The following HMGA2 variants were observed in gnomAD, a reference collection of about 807,000 sequenced individuals.
The protein encoded by HMGA2 is high mobility group protein HMGI-C.
HMGA2 carries 8 observed loss-of-function variants against 19.1 expected under a neutral mutation model. That is an observed-to-expected ratio of 0.42 (90% CI 0.25 to 0.76). HMGA2 has a LOEUF of 0.76. HMGA2 is among the 30% of genes least tolerant of loss of function. The pLI, the probability that HMGA2 is intolerant of heterozygous loss-of-function variation, is 0.28. For synonymous variants in HMGA2, 60 were observed against 48.8 expected (o/e 1.23, Z -0.96); for missense variants, 109 against 136.3 (o/e 0.80, Z 1.00).
At chr12:65,911,762 C>T (rs879874697) in intron 3 of HMGA2, among the ~76,000 whole-genome samples, 3 of 152,078 alleles carry the variant, frequency 2.0e-5, no homozygotes, top group South Asian at 4.2e-4. Flanking sequence ...TCTCTAAGTG[C>T]CCCTTATGCA....
rs74097807 is a variant in HMGA2 at position 65,841,663 on chromosome 12, C to T, written c.249+3094C>T. On this transcript the variant is annotated intron_variant, in intron 3 of 4. Transcript: ENST00000403681. ...TTGAGTTAGAGATATATTTTTGAACCGACTGGATTCATTAGGTATATGGGT... is the reference window on the plus strand; with the variant it reads ...TTGAGTTAGAGATATATTTTTGAACTGACTGGATTCATTAGGTATATGGGT... Among the ~76,000 whole-genome samples the T allele has an allele frequency of 7.7e-3, 1,179 of 152,258 alleles. 15 individuals carry two copies. The highest frequency in any genetic ancestry group is 0.027 in the African/African-American group (1,123 of 41,560).
intron 3 of HMGA2, among the ~76,000 whole-genome samples, chr12:65,905,591 T>C (rs1263209199): frequency 1.3e-5 from 2 of 152,180 alleles, no homozygotes; most frequent in Admixed American, 6.5e-5. Context: ...ATGTCATCAC[T>C]CAACTCCACT....
intron 3 of HMGA2, among the ~76,000 whole-genome samples, chr12:65,908,087 T>G (rs1403160477): frequency 2.6e-5 from 4 of 152,196 alleles, no homozygotes; most frequent in African/African-American, 4.8e-5. Flanking sequence ...GAAGGCCAAA[T>G]TAGACAATCA....
At position 65,952,527 on chromosome 12, in the gene HMGA2, A is replaced by G. The variant is rs1009948319; in HGVS notation, c.282+1112A>G. On this transcript the variant is annotated intron_variant, in intron 4 of 4. Transcript: ENST00000403681. ...TAAGTGGAATAAAAACAGAGTTACC[A>G]TGAAAAAAATCATTTTCATTGCTGC... The G allele has an allele frequency of 2.4e-4, 340 of 1,432,826 alleles. 1 individual carries two copies. The highest frequency in any genetic ancestry group is 2.9e-4 in the Non-Finnish European group (320 of 1,092,406). The allele number at this position is 1,432,826 out of a possible 1,614,324, so 88.8% of individuals were successfully genotyped here.
chr12:65,960,207 TTA>T (rs1565743378), intron 4 of HMGA2, among the ~76,000 whole-genome samples: 1 of 152,170 alleles, frequency 6.6e-6, no homozygotes, highest in Non-Finnish European at 1.5e-5. Flanking sequence ...GTCTTTTAAG[TTA>T]TTAAAGATGA....
chr12:65,883,281 C>T lies in HMGA2; in HGVS notation c.249+44712C>T, dbSNP rs374412877. Among the ~76,000 whole-genome samples, 54 of 152,298 alleles carry T rather than the reference C, an allele frequency of 3.5e-4. 1 individual carries two copies. In the South Asian group the frequency reaches 1.0e-2, roughly 28 times the overall value. On this transcript the variant is annotated intron_variant, in intron 3 of 4. Coordinates refer to ENST00000403681, the MANE Select transcript of HMGA2 (RefSeq NM_003483.6). ...AGATAGATGCAAAGGATAAGGAACT[C>T]GGTTTATAGCAACAGATACTCCAAA...
At chr12:65,849,909 G>A (rs1404694222) in intron 3 of HMGA2, among the ~76,000 whole-genome samples, 1 of 152,076 alleles carries the variant, frequency 6.6e-6, no homozygotes, top group South Asian at 2.1e-4. Context: ...AGTAGAGACA[G>A]GGTTTCACCA....
At chr12:65,826,962 C>G (rs116613519) in intron 1 of HMGA2, 4 of 152,170 alleles carry the variant, frequency 2.6e-5, no homozygotes, top group Admixed American at 6.5e-5. Context: ...CCCGAATTCT[C>G]TAAATGGGAT....
chr12:65,825,477 G>A lies in HMGA2; in HGVS notation c.111+96G>A, dbSNP rs868208626. 2.4e-4 allele frequency: 200 copies of A among 818,310 alleles called. 1 individual carries two copies. In the Middle Eastern group the frequency reaches 4.5e-3, roughly 19 times the overall value. 50.7% of individuals were successfully genotyped at this position (818,310 alleles called of 1,614,324 possible). Reference sequence around the variant, plus strand: ...GCGGCCGGAGTGCGGGAGCCCAGTCGCCGCGGCCGTCGCACACTGCCCGCC... The same window carrying A: ...GCGGCCGGAGTGCGGGAGCCCAGTCACCGCGGCCGTCGCACACTGCCCGCC... On this transcript the variant is annotated intron_variant, in intron 1 of 4. Transcript: ENST00000403681. The surrounding 1 kb of genome is among the most constrained non-coding windows in gnomAD (Gnocchi z 4.4).
At chr12:65,953,841 A>T (rs1840075835) in intron 4 of HMGA2, 1 of 152,228 alleles carries the variant, frequency 6.6e-6, no homozygotes. Flanking sequence ...TTTACACTAC[A>T]TTCAAAAGAA....
chr12:65,863,758 A>G (rs1872235765), intron 3 of HMGA2, among the ~76,000 whole-genome samples: 2 of 152,184 alleles, frequency 1.3e-5, no homozygotes, highest in Non-Finnish European at 2.9e-5. Flanking sequence ...TCTTTAGACT[A>G]CAGAAGTCGC....
chr12:65,957,092 T>C (rs1876626657), intron 4 of HMGA2: 1 of 152,200 alleles, frequency 6.6e-6, no homozygotes, highest in Non-Finnish European at 1.5e-5. Flanking sequence ...TCAAAAGTCA[T>C]AACTCAGGAT....
chr12:65,838,861 G>A (rs1453789999), intron 3 of HMGA2, among the ~76,000 whole-genome samples: 2 of 152,100 alleles, frequency 1.3e-5, no homozygotes, highest in Non-Finnish European at 2.9e-5. Flanking sequence ...GATTTGTTCA[G>A]TAGATTGAGT....
At chr12:65,948,726 T>G (rs1167921491) in intron 3 of HMGA2, among the ~76,000 whole-genome samples, 1 of 152,182 alleles carries the variant, frequency 6.6e-6, no homozygotes, top group East Asian at 1.9e-4. Flanking sequence ...TGAGGGTAGC[T>G]GGTAGAAGTT....
intron 3 of HMGA2, among the ~76,000 whole-genome samples, chr12:65,911,845 A>G (rs1387123426): frequency 6.6e-6 from 1 of 152,192 alleles, no homozygotes; most frequent in Non-Finnish European, 1.5e-5. Context: ...TGAATCTCCA[A>G]GATGTGGGGT....
rs745362298 is a variant in HMGA2 at position 65,965,728 on chromosome 12, G to A, written c.*2436G>A. On this transcript the variant is annotated 3_prime_UTR_variant, in exon 5 of 5. Transcript: ENST00000403681. ...TAAAATGGAAGCAATTGCTCATGTT[G>A]GCCAAACATGGTGCACCGAGTGATT... 1.3e-5 allele frequency: 3 copies of A among 222,870 alleles called. No homozygotes were observed. The highest frequency in any genetic ancestry group is 2.7e-5 in the Non-Finnish European group (3 of 111,484). The allele number at this position is 222,870 out of a possible 1,614,324, so 13.8% of individuals were successfully genotyped here. A position where few individuals can be genotyped will look rare whatever the true frequency, so the allele number is the denominator to read the frequency against.
intron 3 of HMGA2, among the ~76,000 whole-genome samples, chr12:65,839,030 G>GTTTTTTTTTT (rs1870879381): frequency 1.7e-5 from 2 of 114,658 alleles, no homozygotes; most frequent in African/African-American, 6.5e-5. Context: ...CATGGCTTTT[G>GTTTTTTTTTT]TTTGGACACA....
At chr12:65,854,628 T>C (rs913921723) in intron 3 of HMGA2, among the ~76,000 whole-genome samples, 2 of 152,216 alleles carry the variant, frequency 1.3e-5, no homozygotes, top group African/African-American at 4.8e-5. Flanking sequence ...GTTTGTTACA[T>C]AGGTAAATGT....
At chr12:65,889,677 G>A (rs1242715750) in intron 3 of HMGA2, among the ~76,000 whole-genome samples, 1 of 152,182 alleles carries the variant, frequency 6.6e-6, no homozygotes, top group Non-Finnish European at 1.5e-5. Flanking sequence ...TATGTCATGG[G>A]AAAGTACGTA....
Sources: allele counts gnomAD v4.1 joint callset (sites outside exome capture counted in the v4.1 genomes callset), GRCh38; gene constraint gnomAD v4.1.1; non-coding constraint Gnocchi (gnomAD v3.1); transcripts MANE v1.5; gene names NCBI Gene and HGNC (gene_info 2026-07-23, HGNC 2026-07-21).